CENPP: variants seen among roughly 807,000 people sequenced by gnomAD.
CENPP encodes the protein centromere protein P.
In CENPP, 24 loss-of-function variants were observed where a neutral mutation model predicts 35.6. The observed-to-expected ratio is 0.67, with a 90% CI of 0.49 to 0.95. CENPP has a LOEUF of 0.95. CENPP is among the 40% of genes least tolerant of loss of function. The pLI is 0.00. For missense variants in CENPP, 332 were observed against 345.3 expected, an observed-to-expected ratio of 0.96 and a Z score of 0.31; for synonymous variants, 120 against 125.5, an observed-to-expected ratio of 0.96 and a Z score of 0.29.
chr9:92,525,010 A>G (rs1412241695), intron 5 of CENPP, among the ~76,000 whole-genome samples: 1 of 152,152 alleles, frequency 6.6e-6, no homozygotes, highest in Non-Finnish European at 1.5e-5. Flanking sequence ...TCTTGTTGGA[A>G]CCTCAGAAAA....
At chr9:92,452,715 A>T (rs1844749424) in intron 5 of CENPP, among the ~76,000 whole-genome samples, 1 of 152,162 alleles carries the variant, frequency 6.6e-6, no homozygotes, top group African/African-American at 2.4e-5. Context: ...TTCGGCTGTG[A>T]ATCCATCTGG....
intron 5 of CENPP, among the ~76,000 whole-genome samples, chr9:92,594,780 C>A (rs552661386): frequency 5.9e-5 from 9 of 152,106 alleles, no homozygotes; most frequent in Admixed American, 4.6e-4. Flanking sequence ...CATAGCAAGA[C>A]CCCATCTCTA....
At chr9:92,505,358 G>C (rs1327084320) in intron 5 of CENPP, among the ~76,000 whole-genome samples, 1 of 151,888 alleles carries the variant, frequency 6.6e-6, no homozygotes, top group Non-Finnish European at 1.5e-5. Context: ...TTATAATTTC[G>C]ATTCAGAATT....
intron 5 of CENPP, among the ~76,000 whole-genome samples, chr9:92,571,528 A>G (rs562270027): frequency 7.9e-5 from 12 of 152,250 alleles, no homozygotes; most frequent in African/African-American, 2.4e-4. Flanking sequence ...AGTAAGTGCA[A>G]TTTGGTGCTG....
chr9:92,332,727 GA>G (rs1051180302), intron 2 of CENPP, among the ~76,000 whole-genome samples: 1 of 151,966 alleles, frequency 6.6e-6, no homozygotes, highest in African/African-American at 2.4e-5. Flanking sequence ...AGAATCATTT[GA>G]ACCCGGGAGG....
chr9:92,517,994 G>T, intron 5 of CENPP: 1 of 1,169,888 alleles, frequency 8.5e-7, no homozygotes, highest in Non-Finnish European at 1.2e-6. Flanking sequence ...AATTCTATGT[G>T]CATTCATGTA....
chr9:92,384,343 A>T (rs910402606), intron 5 of CENPP: 4 of 152,188 alleles, frequency 2.6e-5, no homozygotes, highest in African/African-American at 9.6e-5. Context: ...ATAAGTATGT[A>T]TTCTGTACAC....
In CENPP at chr9:92,373,284, T is replaced by A. The variant is rs1352587184; in HGVS notation, c.468-6479T>A. ...TTTATTTAAAAATATATATATATATTAACGACTGGGCTATACCAACATACC... is the reference window on the plus strand; with the variant it reads ...TTTATTTAAAAATATATATATATATAAACGACTGGGCTATACCAACATACC... On this transcript the variant is annotated intron_variant, in intron 4 of 7. Transcript: ENST00000375587. Among the ~76,000 whole-genome samples the A allele has an allele frequency of 2.0e-5, 3 of 151,976 alleles. No homozygotes were observed. In the East Asian group the frequency reaches 5.8e-4, roughly 29 times the overall value.
chr9:92,566,158 G>C (rs904016779), intron 5 of CENPP, among the ~76,000 whole-genome samples: 2 of 151,692 alleles, frequency 1.3e-5, no homozygotes, highest in Admixed American at 6.6e-5. Context: ...AAAATTAGCC[G>C]GGCGTGATGT....
chr9:92,522,450 G>A (rs1848132590), intron 5 of CENPP: 5 of 1,093,168 alleles, frequency 4.6e-6, no homozygotes, highest in Non-Finnish European at 6.2e-6. Flanking sequence ...ATAATAACCT[G>A]GATTTTTCTT....
At chr9:92,360,180 A>G (rs924280449) in intron 4 of CENPP, among the ~76,000 whole-genome samples, 1 of 151,942 alleles carries the variant, frequency 6.6e-6, no homozygotes, top group Non-Finnish European at 1.5e-5. Flanking sequence ...ATTATTTTTT[A>G]TTGGCTGCTG....
At chr9:92,358,158 C>CT (rs796727958) in intron 4 of CENPP, among the ~76,000 whole-genome samples, 200 of 142,738 alleles carry the variant, frequency 1.4e-3, no homozygotes, top group Non-Finnish European at 1.5e-3. Context: ...TTCTTCCTCT[C>CT]TTTTTTTTTT....
At chr9:92,526,593 C>CA (rs1349576255) in intron 5 of CENPP, among the ~76,000 whole-genome samples, 2 of 148,448 alleles carry the variant, frequency 1.3e-5, no homozygotes, top group Non-Finnish European at 1.5e-5. Context: ...GAATAGAAAC[C>CA]AAAAAAACTA....
At chr9:92,409,704 G>T (rs558042550) in intron 5 of CENPP, among the ~76,000 whole-genome samples, 2 of 152,146 alleles carry the variant, frequency 1.3e-5, no homozygotes, top group Admixed American at 6.5e-5. Flanking sequence ...TTTGTTAATA[G>T]TTACAGTTTA....
chr9:92,399,362 T>C (rs1295331703), intron 5 of CENPP, among the ~76,000 whole-genome samples: 3 of 152,240 alleles, frequency 2.0e-5, no homozygotes, highest in Non-Finnish European at 4.4e-5. Flanking sequence ...ACTGTCATTT[T>C]TCCAGTGGAT....
intron 5 of CENPP, among the ~76,000 whole-genome samples, chr9:92,430,035 C>G (rs988252042): frequency 6.6e-6 from 1 of 152,192 alleles, no homozygotes; most frequent in Non-Finnish European, 1.5e-5. Context: ...TCCTCAGGCA[C>G]AGATGTGATT....
At chr9:92,455,466 C>T (rs968706737) in intron 5 of CENPP, among the ~76,000 whole-genome samples, 1 of 151,874 alleles carries the variant, frequency 6.6e-6, no homozygotes, top group Non-Finnish European at 1.5e-5. Flanking sequence ...TGTGTAGAGA[C>T]CAGGGTGCAA....
intron 1 of CENPP, among the ~76,000 whole-genome samples, chr9:92,329,516 T>TTTTTC (rs1840674312): frequency 6.6e-6 from 1 of 152,092 alleles, no homozygotes; most frequent in Non-Finnish European, 1.5e-5. Context: ...GTCTCTGTTC[T>TTTTTC]TTTTTCTTTT....
intron 5 of CENPP, among the ~76,000 whole-genome samples, chr9:92,546,605 C>T (rs576395444): frequency 2.0e-5 from 3 of 152,176 alleles, no homozygotes; most frequent in African/African-American, 4.8e-5. Context: ...GAAAAAACTC[C>T]GAACACACTG....
Sources: allele counts gnomAD v4.1 joint callset (sites outside exome capture counted in the v4.1 genomes callset), GRCh38; gene constraint gnomAD v4.1.1; transcripts MANE v1.5; gene names NCBI Gene and HGNC (gene_info 2026-07-23, HGNC 2026-07-21).